The following AKAP6 variants were observed in gnomAD, a reference collection of about 807,000 sequenced individuals.
AKAP6 encodes the protein A-kinase anchoring protein 6, also known as A-kinase anchor protein 6.
AKAP6 carries 58 observed loss-of-function variants against 188.5 expected under a neutral mutation model. That is an observed-to-expected ratio of 0.31 (90% CI 0.25 to 0.38). AKAP6 has a LOEUF of 0.38. Among genes scored for constraint, AKAP6 ranks in the 10% least tolerant of loss-of-function variants. AKAP6 has a pLI of 1.00. For missense variants in AKAP6, 2,710 were observed against 2,740.0 expected, an observed-to-expected ratio of 0.99 and a Z score of 0.24; for synonymous variants, 989 against 998.6, an observed-to-expected ratio of 0.99 and a Z score of 0.18.
chr14:32,466,554 G>A (rs1878443555), intron 2 of AKAP6, among the ~76,000 whole-genome samples: 1 of 151,746 alleles, frequency 6.6e-6, no homozygotes, highest in Admixed American at 6.6e-5. Context: ...GGAGGGAAAC[G>A]TCACACACCA....
chr14:32,435,338 G>A (rs977003190), intron 2 of AKAP6, among the ~76,000 whole-genome samples: 1 of 152,112 alleles, frequency 6.6e-6, no homozygotes, highest in Non-Finnish European at 1.5e-5. Context: ...TAAAAAAAAT[G>A]TGTTGTTAAG....
chr14:32,519,572 A>G (rs1482345424), intron 2 of AKAP6, among the ~76,000 whole-genome samples: 3 of 152,158 alleles, frequency 2.0e-5, no homozygotes, highest in East Asian at 1.9e-4. Flanking sequence ...CAGACCTTAA[A>G]CCAACAAAGA....
chr14:32,567,247 C>T (rs1261275243), intron 4 of AKAP6, among the ~76,000 whole-genome samples: 1 of 152,166 alleles, frequency 6.6e-6, no homozygotes, highest in East Asian at 1.9e-4. Context: ...GCATCAGATT[C>T]CTCATCTGTA....
intron 12 of AKAP6, among the ~76,000 whole-genome samples, chr14:32,788,608 G>C (rs2033504861): frequency 6.7e-6 from 1 of 148,778 alleles, no homozygotes; most frequent in Non-Finnish European, 1.5e-5. Context: ...GAGTGAGCGT[G>C]CAACCCCCCC....
intron 9 of AKAP6, among the ~76,000 whole-genome samples, chr14:32,710,500 G>A (rs1763889078): frequency 6.6e-6 from 1 of 151,994 alleles, no homozygotes; most frequent in Non-Finnish European, 1.5e-5. Flanking sequence ...CATTTCAAGG[G>A]AACATGAGGT....
At chr14:32,359,342 G>A (rs1440722185) in intron 1 of AKAP6, among the ~76,000 whole-genome samples, 2 of 151,874 alleles carry the variant, frequency 1.3e-5, no homozygotes, top group Non-Finnish European at 2.9e-5. Context: ...AAATAGAAGT[G>A]TAAAATACAT....
chr14:32,729,812 T>A (rs1303465396), intron 9 of AKAP6, among the ~76,000 whole-genome samples: 3 of 152,178 alleles, frequency 2.0e-5, no homozygotes, highest in Non-Finnish European at 2.9e-5. Context: ...ACTTTGCTAA[T>A]CTCATTTTTG....
chr14:32,496,607 T>C (rs1379787471), intron 2 of AKAP6, among the ~76,000 whole-genome samples: 1 of 152,110 alleles, frequency 6.6e-6, no homozygotes, highest in African/African-American at 2.4e-5. Context: ...AATATTTTCC[T>C]ACTGTTTGTA....
intron 2 of AKAP6, among the ~76,000 whole-genome samples, chr14:32,460,939 T>C (rs1891302073): frequency 6.6e-6 from 1 of 152,096 alleles, no homozygotes. Flanking sequence ...CTGACAGTGC[T>C]AAGGAGGCTG....
intron 7 of AKAP6, among the ~76,000 whole-genome samples, chr14:32,609,882 C>CTCTG (rs1163895964): frequency 2.2e-3 from 39 of 17,780 alleles, no homozygotes; most frequent in Admixed American, 2.9e-3. Flanking sequence ...CTCTCTCTGA[C>CTCTG]ACACACACAC....
intron 2 of AKAP6, among the ~76,000 whole-genome samples, chr14:32,478,917 C>T (rs1488399941): frequency 1.3e-5 from 2 of 151,916 alleles, no homozygotes; most frequent in Non-Finnish European, 2.9e-5. Flanking sequence ...AAATTAGTAT[C>T]CACAAAGAAA....
intron 2 of AKAP6, among the ~76,000 whole-genome samples, chr14:32,500,413 A>G (rs1327412620): frequency 6.6e-6 from 1 of 152,174 alleles, no homozygotes; most frequent in Non-Finnish European, 1.5e-5. Context: ...GGACAGAGGG[A>G]TAATACAATA....
chr14:32,545,966 G>C lies in AKAP6; in HGVS notation c.1313G>C (p.Cys438Ser). The change falls in exon 4 of 14, where the codon TGC becomes TCC. Residue 438 changes from cysteine (C) to serine (S), a missense_variant. Coordinates refer to ENST00000280979, the MANE Select transcript of AKAP6 (RefSeq NM_004274.5). The part of the protein sequence containing the change: ...LVDPPDRSKL[C>S]LVLQSSYPNS... ...GATCCTCCTGACAGATCCAAACTTT[G>C]CCTGGTATTGCAGTCTTCTTACCCC... 6.2e-7 allele frequency: 1 copy of C among 1,614,170 alleles called. No homozygotes were observed. Among genetic ancestry groups the C allele is most frequent in the African/African-American group, 1.3e-5 (1 of 75,052 alleles).
At chr14:32,525,724 T>C (rs1882086163) in intron 2 of AKAP6, among the ~76,000 whole-genome samples, 1 of 152,166 alleles carries the variant, frequency 6.6e-6, no homozygotes, top group South Asian at 2.1e-4. Context: ...ATTTGTAAAA[T>C]ACAATATTTT....
intron 5 of AKAP6, among the ~76,000 whole-genome samples, chr14:32,581,184 T>C (rs1244802200): frequency 1.3e-5 from 2 of 152,144 alleles, no homozygotes; most frequent in Non-Finnish European, 2.9e-5. Context: ...GTAAAAGTGT[T>C]CCTGTTTCTC....
chr14:32,823,850 G>A lies in AKAP6; in HGVS notation c.6037G>A (p.Gly2013Arg). ...KSSDDAPSMA[G>R]KSAGCCLALE... ...ATCTGATGATGCACCGAGTATGGCTGGAAAATCTGCTGGTTGTTGCCTAGC... is the reference window on the plus strand; with the variant it reads ...ATCTGATGATGCACCGAGTATGGCTAGAAAATCTGCTGGTTGTTGCCTAGC... Residue 2013 changes from glycine to arginine, a missense_variant, in exon 13 of 14, where the codon GGA becomes AGA. Gly to Arg is a moderately radical substitution (Grantham distance 125). This residue lies in a region of AKAP6 where 2,473 missense variants were observed against 2,426.1 expected (regional missense o/e 1.02). Transcript: ENST00000280979. 1 of 1,613,628 alleles carries A rather than the reference G, an allele frequency of 6.2e-7. No individual in the cohort carries two copies. Among genetic ancestry groups the A allele is most frequent in the East Asian group, 2.2e-5 (1 of 44,876 alleles).
chr14:32,574,909 G>A (rs1454039562), intron 4 of AKAP6, among the ~76,000 whole-genome samples: 1 of 152,102 alleles, frequency 6.6e-6, no homozygotes, highest in African/African-American at 2.4e-5. Flanking sequence ...AATTATGAGA[G>A]TATCGAGAAT....
At chr14:32,392,255 G>A (rs987642856) in intron 1 of AKAP6, among the ~76,000 whole-genome samples, 10 of 152,108 alleles carry the variant, frequency 6.6e-5, no homozygotes, top group Admixed American at 5.9e-4. Flanking sequence ...GAAATTATGT[G>A]TCCTTTAGAG....
At chr14:32,580,544 C>G (rs552474151) in intron 5 of AKAP6, among the ~76,000 whole-genome samples, 6 of 151,926 alleles carry the variant, frequency 3.9e-5, no homozygotes, top group African/African-American at 1.4e-4. Context: ...TTTAGTCACA[C>G]TCTTCATTTT....
Sources: allele counts gnomAD v4.1 joint callset (sites outside exome capture counted in the v4.1 genomes callset), GRCh38; gene constraint gnomAD v4.1.1; regional missense constraint gnomAD v4.1.1; transcripts MANE v1.5; gene names NCBI Gene and HGNC (gene_info 2026-07-23, HGNC 2026-07-21).